PTPRD: variants seen among roughly 807,000 people sequenced by gnomAD.
PTPRD encodes receptor-type tyrosine-protein phosphatase delta.
PTPRD carries 34 observed loss-of-function variants against 214.5 expected under a neutral mutation model. The ratio of observed to expected loss-of-function variants is 0.16; its 90% confidence interval spans 0.12 to 0.21. The LOEUF is 0.21. Among genes scored for constraint, PTPRD ranks in the 10% least tolerant of loss-of-function variants. The pLI, the probability that PTPRD is intolerant of heterozygous loss-of-function variation, is 1.00. For missense variants in PTPRD, 2,545 were observed against 2,398.7 expected, an observed-to-expected ratio of 1.06 and a Z score of -1.27; for synonymous variants, 1,128 against 845.7, an observed-to-expected ratio of 1.33 and a Z score of -5.79.
At chr9:8,875,108 T>C (rs10977330) in intron 11 of PTPRD, among the ~76,000 whole-genome samples, 40,002 of 151,882 alleles carry the variant, frequency 0.26, 6,161 homozygotes, top group Non-Finnish European at 0.35. Context: ...AATCCCCCTT[T>C]AAAGTTTTGG....
chr9:8,351,507 G>T (rs1479842396), intron 39 of PTPRD, among the ~76,000 whole-genome samples: 1 of 151,600 alleles, frequency 6.6e-6, no homozygotes, highest in African/African-American at 2.4e-5. Flanking sequence ...CATAATTACA[G>T]TTCAATAAAG....
At chr9:9,020,524 T>C (rs1304850070) in intron 10 of PTPRD, among the ~76,000 whole-genome samples, 1 of 152,026 alleles carries the variant, frequency 6.6e-6, no homozygotes. Context: ...TAAGACAAAA[T>C]AAGGAACCAA....
At chr9:9,546,736 C>T (rs1389979995) in intron 8 of PTPRD, among the ~76,000 whole-genome samples, 1 of 151,668 alleles carries the variant, frequency 6.6e-6, no homozygotes, top group Non-Finnish European at 1.5e-5. Flanking sequence ...CCACTAAGTA[C>T]TAAATATTGT....
At chr9:8,791,710 G>A (rs763034853) in intron 11 of PTPRD, among the ~76,000 whole-genome samples, 5 of 151,786 alleles carry the variant, frequency 3.3e-5, no homozygotes, top group Non-Finnish European at 7.4e-5. Flanking sequence ...GATTTGAGGG[G>A]AAAGAAAGGA....
intron 7 of PTPRD, among the ~76,000 whole-genome samples, chr9:9,664,929 C>T (rs1312143274): frequency 6.6e-6 from 1 of 151,588 alleles, no homozygotes; most frequent in Non-Finnish European, 1.5e-5. Context: ...AGAACAGAAA[C>T]TTGTATTTTA....
chr9:9,981,055 T>C (rs1031870233), intron 4 of PTPRD, among the ~76,000 whole-genome samples: 1 of 71,626 alleles, frequency 1.4e-5, no homozygotes, highest in African/African-American at 4.3e-5. Context: ...CCTAACAAAG[T>C]TCTCCAAAAG....
At chr9:9,841,514 G>A (rs1238305567) in intron 5 of PTPRD, among the ~76,000 whole-genome samples, 1 of 152,080 alleles carries the variant, frequency 6.6e-6, no homozygotes, top group East Asian at 1.9e-4. Context: ...ATAAATTTTA[G>A]TTAGTATTAT....
chr9:8,563,661 T>C (rs945179432), intron 14 of PTPRD, among the ~76,000 whole-genome samples: 7 of 152,050 alleles, frequency 4.6e-5, no homozygotes, highest in African/African-American at 1.7e-4. Context: ...GGTCTTGAAC[T>C]CCTGACCTTG....
chr9:8,655,601 G>A (rs1271552695), intron 12 of PTPRD, among the ~76,000 whole-genome samples: 3 of 152,010 alleles, frequency 2.0e-5, no homozygotes, highest in Non-Finnish European at 2.9e-5. Flanking sequence ...ATAAAGCTTT[G>A]AAAAAGTCAG....
intron 11 of PTPRD, among the ~76,000 whole-genome samples, chr9:8,974,971 C>A (rs1376876453): frequency 6.6e-6 from 1 of 151,420 alleles, no homozygotes; most frequent in Non-Finnish European, 1.5e-5. Flanking sequence ...GTGGCGGGTG[C>A]CTATATTCCT....
intron 9 of PTPRD, among the ~76,000 whole-genome samples, chr9:9,192,235 C>G (rs767742227): frequency 1.3e-5 from 2 of 151,762 alleles, no homozygotes; most frequent in Non-Finnish European, 1.5e-5. Flanking sequence ...AAAAAAAAAG[C>G]TGTAAGAAAA....
chr9:8,774,527 C>CTTTTTTTTTTTTTTTTTTTTTTT (rs564318443), intron 11 of PTPRD, among the ~76,000 whole-genome samples: 1 of 105,226 alleles, frequency 9.5e-6, no homozygotes, highest in Non-Finnish European at 1.8e-5. Context: ...TGAAAAGTAA[C>CTTTTTTTTTTTTTTTTTTTTTTT]TTTTTTTTTT....
At chr9:9,847,307 G>A (rs986198812) in intron 5 of PTPRD, among the ~76,000 whole-genome samples, 2 of 152,060 alleles carry the variant, frequency 1.3e-5, no homozygotes, top group Non-Finnish European at 2.9e-5. Context: ...AATTACTGAT[G>A]TGTTCTATGG....
intron 24 of PTPRD, among the ~76,000 whole-genome samples, chr9:8,500,428 G>A (rs1239333913): frequency 1.3e-5 from 2 of 151,366 alleles, no homozygotes; most frequent in Non-Finnish European, 2.9e-5. Context: ...TAAAAGAAGT[G>A]ACTACAAAAA....
chr9:10,151,059 C>CTTTT (rs138485125), intron 3 of PTPRD, among the ~76,000 whole-genome samples: 15 of 111,116 alleles, frequency 1.3e-4, no homozygotes, highest in South Asian at 3.0e-4. Context: ...TTTTTGTTAA[C>CTTTT]TTTTTTTTTT....
At chr9:8,963,740 C>A (rs1246777354) in intron 11 of PTPRD, among the ~76,000 whole-genome samples, 1 of 152,056 alleles carries the variant, frequency 6.6e-6, no homozygotes, top group Non-Finnish European at 1.5e-5. Flanking sequence ...CCACCTCAGC[C>A]TTCTGAGTAG....
intron 9 of PTPRD, among the ~76,000 whole-genome samples, chr9:9,259,974 C>G (rs778107343): frequency 2.6e-5 from 4 of 151,756 alleles, no homozygotes; most frequent in Non-Finnish European, 5.9e-5. Context: ...TTCTGAAAGG[C>G]GAGTAGGCCT....
intron 3 of PTPRD, among the ~76,000 whole-genome samples, chr9:10,083,840 C>T (rs2098282396): frequency 6.6e-6 from 1 of 151,964 alleles, no homozygotes; most frequent in African/African-American, 2.4e-5. Flanking sequence ...TCTAATGCCA[C>T]AGCTGATCTG....
intron 39 of PTPRD, among the ~76,000 whole-genome samples, chr9:8,353,918 GTA>G (rs1195340351): frequency 2.7e-4 from 32 of 120,606 alleles, no homozygotes; most frequent in East Asian, 8.9e-4. Flanking sequence ...GTGTATATAT[GTA>G]TATATATGTG....
Sources: gnomAD v4.1 joint callset for allele counts (sites outside exome capture counted in the v4.1 genomes callset) on GRCh38, gnomAD v4.1.1 for gene constraint, MANE v1.5 for transcripts, NCBI Gene and HGNC (gene_info 2026-07-23, HGNC 2026-07-21) for gene names.